The following KLF17 variants were observed in gnomAD, a reference collection of about 807,000 sequenced individuals.
KLF17 encodes Krueppel-like factor 17.
Under a neutral mutation model 34.2 loss-of-function variants are expected in KLF17, and 31 were observed. The observed-to-expected ratio is 0.91, with a 90% CI of 0.68 to 1.22. The LOEUF is 1.22. Among genes scored for constraint, KLF17 ranks in the 50% most tolerant of loss-of-function variants. The probability of loss-of-function intolerance (pLI) is 0.00; values close to 1 mark genes in which losing one functional copy is unlikely to be tolerated. For synonymous variants in KLF17, 179 were observed against 186.7 expected, an observed-to-expected ratio of 0.96 and a Z score of 0.34; for missense variants, 478 against 505.2, an observed-to-expected ratio of 0.95 and a Z score of 0.52.
chr1:44,108,740 A>G, the KLF17 span, among the ~76,000 whole-genome samples: 1 of 136,606 alleles, frequency 7.3e-6, no homozygotes, highest in Non-Finnish European at 1.5e-5. Flanking sequence ...ATCTCAGCTC[A>G]CTGCAACCTC....
chr1:44,113,584 G>A, the KLF17 span, among the ~76,000 whole-genome samples: 4 of 152,284 alleles, frequency 2.6e-5, no homozygotes, highest in African/African-American at 9.6e-5. Context: ...CATTAGTGAC[G>A]AGTGGGAAGG....
chr1:44,128,004 G>A (rs1015641154), intron 1 of KLF17, among the ~76,000 whole-genome samples: 1 of 151,844 alleles, frequency 6.6e-6, no homozygotes, highest in Non-Finnish European at 1.5e-5. Context: ...ATTGAAGAGT[G>A]AATAGGAGAT....
chr1:44,081,138 A>G, the KLF17 span, among the ~76,000 whole-genome samples: 1 of 151,230 alleles, frequency 6.6e-6, no homozygotes, highest in Non-Finnish European at 1.5e-5. Flanking sequence ...GATTTAGTTA[A>G]TCTGTTGTGC....
chr1:44,100,079 TACACAC>T, the KLF17 span, among the ~76,000 whole-genome samples: 13,612 of 138,532 alleles, frequency 0.098, 828 homozygotes, highest in South Asian at 0.17. Flanking sequence ...CTACTAAAAA[TACACAC>T]ACACACACAC....
the KLF17 span, among the ~76,000 whole-genome samples, chr1:44,087,011 A>C: frequency 6.6e-6 from 1 of 152,240 alleles, no homozygotes; most frequent in African/African-American, 2.4e-5. Context: ...GCTTTTCTTC[A>C]GCCATATTCG....
At chr1:44,079,220 T>C in the KLF17 span, among the ~76,000 whole-genome samples, 2 of 152,164 alleles carry the variant, frequency 1.3e-5, no homozygotes, top group Non-Finnish European at 2.9e-5. Flanking sequence ...TCCCTACATC[T>C]GCTATGCCTG....
the KLF17 span, among the ~76,000 whole-genome samples, chr1:44,072,506 G>A: frequency 3.3e-5 from 5 of 151,480 alleles, no homozygotes; most frequent in African/African-American, 1.2e-4. Context: ...GGGCAACATA[G>A]CAAGATCCTG....
chr1:44,085,193 G>A, the KLF17 span, among the ~76,000 whole-genome samples: 1 of 151,960 alleles, frequency 6.6e-6, no homozygotes, highest in Non-Finnish European at 1.5e-5. Context: ...ACTAAAGCAG[G>A]CAAAAACGCC....
At chr1:44,110,268 C>G in the KLF17 span, 2 of 152,160 alleles carry the variant, frequency 1.3e-5, no homozygotes, top group Non-Finnish European at 2.9e-5. Flanking sequence ...GGTTAAGCCA[C>G]TCCATAATAT....
At chr1:44,110,979 C>T in the KLF17 span, among the ~76,000 whole-genome samples, 4 of 150,900 alleles carry the variant, frequency 2.7e-5, no homozygotes, top group East Asian at 2.0e-4. Flanking sequence ...TTTAGTTAAA[C>T]GCATTATTCT....
the KLF17 span, among the ~76,000 whole-genome samples, chr1:44,108,712 C>T: frequency 7.1e-6 from 1 of 140,068 alleles, no homozygotes; most frequent in African/African-American, 2.7e-5. Flanking sequence ...GTTGCCCAAG[C>T]TGGAGTGCAA....
At chr1:44,123,832 A>ACC (rs1297583729) in intron 1 of KLF17, among the ~76,000 whole-genome samples, 1 of 151,442 alleles carries the variant, frequency 6.6e-6, no homozygotes, top group Non-Finnish European at 1.5e-5. Context: ...ATTGTTTCAG[A>ACC]GAGTGCTATT....
At chr1:44,071,989 T>C in the KLF17 span, among the ~76,000 whole-genome samples, 1 of 151,798 alleles carries the variant, frequency 6.6e-6, no homozygotes, top group Non-Finnish European at 1.5e-5. Flanking sequence ...ACTGTTTTTT[T>C]TTGGGGGGGG....
chr1:44,127,646 CTTTCTTTCT>C (rs2088029882), intron 1 of KLF17, among the ~76,000 whole-genome samples: 2 of 56,182 alleles, frequency 3.6e-5, no homozygotes, highest in African/African-American at 1.6e-4. Context: ...TTCCTTCTTT[CTTTCTTTCT>C]TTCTTTCTTT....
the KLF17 span, among the ~76,000 whole-genome samples, chr1:44,079,625 T>C: frequency 0.084 from 12,761 of 152,132 alleles, 576 homozygotes; most frequent in African/African-American, 0.12. Context: ...TATATTAAAA[T>C]TTCCCTGTTC....
chr1:44,059,943 T>G, the KLF17 span, among the ~76,000 whole-genome samples: 2 of 152,096 alleles, frequency 1.3e-5, no homozygotes, highest in African/African-American at 4.8e-5. Flanking sequence ...CACTGTTCCT[T>G]CTGGAAAACA....
the KLF17 span, among the ~76,000 whole-genome samples, chr1:44,063,967 T>C: frequency 6.6e-6 from 1 of 152,102 alleles, no homozygotes; most frequent in African/African-American, 2.4e-5. Context: ...TTGAGTGCAA[T>C]TCACAAGGTT....
the KLF17 span, among the ~76,000 whole-genome samples, chr1:44,102,448 G>A: frequency 1.3e-5 from 2 of 151,904 alleles, no homozygotes; most frequent in African/African-American, 4.8e-5. Context: ...AGCTGCTCAG[G>A]AGGCTGAGGC....
At chr1:44,115,941 T>C (rs2087875955), upstream of KLF17, 1 of 152,094 alleles carries the variant, frequency 6.6e-6, no homozygotes, top group South Asian at 2.1e-4. Flanking sequence ...TTTTTCACTT[T>C]TGCCTTTCCT....
Sources: allele counts gnomAD v4.1 joint callset (sites outside exome capture counted in the v4.1 genomes callset), GRCh38; gene constraint gnomAD v4.1.1; transcripts MANE v1.5; gene names NCBI Gene and HGNC (gene_info 2026-07-23, HGNC 2026-07-21).